Variants in USP49 observed in about 807,000 individuals in gnomAD.
The protein encoded by USP49 is ubiquitin carboxyl-terminal hydrolase 49.
USP49 carries 24 observed loss-of-function variants against 58.6 expected under a neutral mutation model. The observed-to-expected ratio is 0.41, with a 90% confidence interval of 0.30 to 0.58. USP49 has a LOEUF of 0.58. Ranked by LOEUF, USP49 falls within the 20% of genes least tolerant of loss-of-function variation. The pLI, the probability that USP49 is intolerant of heterozygous loss-of-function variation, is 0.30. For missense variants in USP49, 703 were observed against 866.1 expected, an observed-to-expected ratio of 0.81 and a Z score of 2.36; for synonymous variants, 408 against 365.1, an observed-to-expected ratio of 1.12 and a Z score of -1.34.
chr6:41,846,914 G>C (rs1773934422), intron 3 of USP49, among the ~76,000 whole-genome samples: 1 of 152,172 alleles, frequency 6.6e-6, no homozygotes, highest in Non-Finnish European at 1.5e-5. Flanking sequence ...CCAGAGTACA[G>C]AAGACACTGA....
intron 3 of USP49, among the ~76,000 whole-genome samples, chr6:41,864,367 G>C (rs1490910775): frequency 2.0e-5 from 3 of 152,028 alleles, no homozygotes; most frequent in Admixed American, 2.0e-4. Flanking sequence ...GTTCGAGACC[G>C]GCCTGGTCAA....
At chr6:41,799,073 T>C in intron 6 of USP49, 144 bp from the exon 7 acceptor site, 1 of 762,084 alleles carries the variant, frequency 1.3e-6, no homozygotes, top group South Asian at 3.8e-5. Flanking sequence ...GTAATCAATG[T>C]TCACACTTAT....
chr6:41,883,536 T>A (rs1308578228), intron 2 of USP49, among the ~76,000 whole-genome samples: 1 of 151,612 alleles, frequency 6.6e-6, no homozygotes, highest in Non-Finnish European at 1.5e-5. Context: ...TAATCCCAGC[T>A]ACACGGGAGG....
chr6:41,823,462 G>A (rs1773485078), intron 3 of USP49, among the ~76,000 whole-genome samples: 1 of 152,118 alleles, frequency 6.6e-6, no homozygotes, highest in Admixed American at 6.5e-5. Context: ...AGGAATTCTA[G>A]TTAGTAGCAC....
intron 3 of USP49, among the ~76,000 whole-genome samples, chr6:41,840,268 G>A (rs934226318): frequency 2.6e-5 from 4 of 151,568 alleles, no homozygotes; most frequent in African/African-American, 9.7e-5. Flanking sequence ...CAGCTACTCG[G>A]GAGGCTGAGG....
In USP49 at chr6:41,800,095, A is replaced by C. The variant is rs531123167; in HGVS notation, c.1562-157T>G. On this transcript the variant is annotated intron_variant, in intron 5 of 7. Coordinates refer to ENST00000682992, the MANE Select transcript of USP49 (RefSeq NM_001286554.2). ...GCAATGTGACACTCTTTATGACTGC[A>C]TTTCCCAGCTTCACACGCCTGCATG... Among the ~76,000 whole-genome samples the C allele has an allele frequency of 1.3e-4, 20 of 152,170 alleles. No homozygotes were observed. The South Asian group carries it at 3.9e-3, about 30-fold the overall frequency.
intron 3 of USP49, among the ~76,000 whole-genome samples, chr6:41,850,660 A>G (rs1276407011): frequency 6.7e-6 from 1 of 150,042 alleles, no homozygotes; most frequent in Admixed American, 6.7e-5. Context: ...GCTGGAGTGC[A>G]GTGGCGCCAT....
intron 3 of USP49, among the ~76,000 whole-genome samples, chr6:41,825,440 GAAAAAA>G (rs200998432): frequency 7.4e-6 from 1 of 134,388 alleles, no homozygotes; most frequent in East Asian, 2.2e-4. Flanking sequence ...TCACTTAAAA[GAAAAAA>G]AAAAAAAGAT....
At position 41,866,903 on chromosome 6, in the gene USP49, A is replaced by T. The variant is rs1774328303; in HGVS notation, c.-29+4661T>A. Among the ~76,000 whole-genome samples, 3 of 152,284 alleles carry T rather than the reference A, an allele frequency of 2.0e-5. No individual in the cohort carries two copies. The South Asian group carries it at 6.2e-4, about 32-fold the overall frequency. On this transcript the variant is annotated intron_variant, in intron 3 of 7. Transcript: ENST00000682992. ...CCTTTAAGACATTGTTTTGAAAGAT[A>T]TGTGCAATAAGGGCCATAACTTTGA...
chr6:41,827,178 T>C (rs1007360181), intron 3 of USP49, among the ~76,000 whole-genome samples: 1 of 152,206 alleles, frequency 6.6e-6, no homozygotes. Context: ...TATAAGTCAG[T>C]TCCCAAGAAA....
rs1773144028 is a variant in USP49, at chr6:41,806,800, C to G, written c.184G>C (p.Gly62Arg). Reference sequence around the variant, plus strand: ...CGGACTTCCATGGCTAGCGGGTGTCCCGTCTCCTCAAAGTGTTTCAGGGCG... The same window carrying G: ...CGGACTTCCATGGCTAGCGGGTGTCGCGTCTCCTCAAAGTGTTTCAGGGCG... Reference protein sequence around the residue: ...DHALKHFEETGHPLAMEVRDL... With the variant: ...DHALKHFEETRHPLAMEVRDL... Residue 62 changes from glycine (G) to arginine (R), a missense_variant, in exon 4 of 8, where the codon GGA (glycine) becomes CGA (arginine). Coordinates refer to ENST00000682992, the MANE Select transcript of USP49 (RefSeq NM_001286554.2). The surrounding 1 kb of genome is among the most constrained non-coding windows in gnomAD (Gnocchi z 5.9). 1 of 1,614,198 alleles carries G rather than the reference C, an allele frequency of 6.2e-7. No individual in the cohort carries two copies. The highest frequency in any genetic ancestry group is 8.5e-7 in the Non-Finnish European group (1 of 1,180,044).
At chr6:41,883,075 T>C (rs1582038876) in intron 2 of USP49, among the ~76,000 whole-genome samples, 1 of 151,982 alleles carries the variant, frequency 6.6e-6, no homozygotes, top group East Asian at 1.9e-4. Flanking sequence ...AAACAAAGGA[T>C]ATGAAGAGGC....
At chr6:41,894,112 C>G (rs996725101) in intron 1 of USP49, 9 of 149,552 alleles carry the variant, frequency 6.0e-5, no homozygotes, top group Admixed American at 2.0e-4. Flanking sequence ...CTTCTCTTAG[C>G]CCCCTCTCTT....
chr6:41,881,493 T>C (rs1357645286), intron 2 of USP49, among the ~76,000 whole-genome samples: 4 of 151,986 alleles, frequency 2.6e-5, no homozygotes, highest in African/African-American at 9.6e-5. Context: ...TCTAAAAATA[T>C]GATTTTTCCA....
intron 2 of USP49, among the ~76,000 whole-genome samples, chr6:41,888,142 C>T (rs1488279174): frequency 6.7e-6 from 1 of 150,098 alleles, no homozygotes; most frequent in Admixed American, 6.7e-5. Flanking sequence ...GCAACCTCCG[C>T]CTCCCAGGTT....
chr6:41,893,592 G>A (rs1168715824), intron 1 of USP49, among the ~76,000 whole-genome samples: 2 of 152,026 alleles, frequency 1.3e-5, no homozygotes, highest in Non-Finnish European at 2.9e-5. Context: ...CCCTAAATAA[G>A]CACACCCTTT....
chr6:41,816,340 T>C (rs1290381644), intron 3 of USP49, among the ~76,000 whole-genome samples: 1 of 152,246 alleles, frequency 6.6e-6, no homozygotes, highest in Admixed American at 6.5e-5. Flanking sequence ...AGTTTCCTTA[T>C]AGCTAAATTC....
intron 3 of USP49, among the ~76,000 whole-genome samples, chr6:41,834,102 T>C (rs1582010427): frequency 6.6e-6 from 1 of 152,304 alleles, no homozygotes; most frequent in East Asian, 1.9e-4. Context: ...TAAAGGAAAT[T>C]TGTCCTATTT....
Position 41,806,070 on chromosome 6 carries a change from C to A in USP49, c.914G>T (p.Gly305Val), listed in dbSNP as rs774788681. Residue 305 changes from glycine (G) to valine (V), a missense_variant, in exon 4 of 8, where the codon GGC becomes GTC. Transcript: ENST00000682992. The surrounding 1 kb of genome is among the most constrained non-coding windows in gnomAD (Gnocchi z 5.9). The part of the protein sequence containing the change: ...KATNGKTQLS[G>V]KPTNSSATEL... ...CGTGGCCGAGCTGTTGGTTGGCTTGCCAGAAAGCTGAGTCTTCCCGTTGGT... is the reference window on the plus strand; with the variant it reads ...CGTGGCCGAGCTGTTGGTTGGCTTGACAGAAAGCTGAGTCTTCCCGTTGGT... 2.5e-6 allele frequency: 4 copies of A among 1,613,916 alleles called. No individual in the cohort carries two copies. The South Asian group carries it at 3.3e-5, about 13-fold the overall frequency.
Sources: gnomAD v4.1 joint callset for allele counts (sites outside exome capture counted in the v4.1 genomes callset) on GRCh38, gnomAD v4.1.1 for gene constraint, Gnocchi (gnomAD v3.1) non-coding constraint, MANE v1.5 for transcripts, NCBI Gene and HGNC (gene_info 2026-07-23, HGNC 2026-07-21) for gene names.